PUDP: variants seen among roughly 807,000 people sequenced by gnomAD.
PUDP encodes pseudouridine 5'-phosphatase, also known as pseudouridine-5'-phosphatase.
In PUDP, 8 loss-of-function variants were observed where a neutral mutation model predicts 9.4. That is an observed-to-expected ratio of 0.85 (90% CI 0.50 to 1.53). The LOEUF (loss-of-function observed/expected upper bound fraction) is 1.53, where lower values mean the gene tolerates loss of function less well. PUDP is among the 40% of genes most tolerant of loss of function. The pLI is 0.00. For missense variants in PUDP, 188 were observed against 189.7 expected, an observed-to-expected ratio of 0.99 and a Z score of 0.05; for synonymous variants, 99 against 80.7, an observed-to-expected ratio of 1.23 and a Z score of -1.22.
At chrX:7,145,973 GATTAA>G (rs761412961) in intron 1 of PUDP, among the ~76,000 whole-genome samples, 65 of 112,244 alleles carry the variant, frequency 5.8e-4, no homozygotes, top group Non-Finnish European at 1.0e-3. Context: ...TAATCTGGTA[GATTAA>G]ATTAAAGTGG....
chrX:6,926,922 CTTTTTTT>C (rs61299123), intron 3 of PUDP, among the ~76,000 whole-genome samples: 13 of 66,861 alleles, frequency 1.9e-4, no homozygotes, highest in Middle Eastern at 8.8e-3. Flanking sequence ...GAGACAATTC[CTTTTTTT>C]TTTTTTTTTT....
chrX:7,112,176 TG>T (rs2146905832), intron 1 of PUDP, among the ~76,000 whole-genome samples: 1 of 111,621 alleles, frequency 9.0e-6, no homozygotes. Context: ...AAATCTGTAC[TG>T]GGCTAGCATG....
At chrX:7,140,113 T>C (rs1323185854) in intron 1 of PUDP, among the ~76,000 whole-genome samples, 3 of 112,388 alleles carry the variant, frequency 2.7e-5, no homozygotes, top group Non-Finnish European at 3.8e-5. Context: ...TTTTGTGCTC[T>C]TACACAGTAG....
intron 3 of PUDP, among the ~76,000 whole-genome samples, chrX:6,818,349 C>A (rs1299232938): frequency 8.9e-6 from 1 of 111,881 alleles, no homozygotes; most frequent in Non-Finnish European, 1.9e-5. Flanking sequence ...AGAGGGGCTG[C>A]CATTGTAATA....
chrX:6,971,243 C>T (rs189534928), intron 3 of PUDP, among the ~76,000 whole-genome samples: 35 of 110,295 alleles, frequency 3.2e-4, no homozygotes, highest in African/African-American at 1.1e-3. Flanking sequence ...GTCTATATAT[C>T]TGTTTGATAC....
At chrX:6,791,989 T>C (rs1470535609) in intron 3 of PUDP, among the ~76,000 whole-genome samples, 1 of 111,311 alleles carries the variant, frequency 9.0e-6, no homozygotes, top group Non-Finnish European at 1.9e-5. Context: ...AAATAAATAA[T>C]GGAGAGAATG....
chrX:6,967,929 G>A (rs191442488), intron 3 of PUDP, among the ~76,000 whole-genome samples: 21 of 112,389 alleles, frequency 1.9e-4, no homozygotes, highest in African/African-American at 6.1e-4. Flanking sequence ...AGGAAAGAGC[G>A]CTGCTCAGAG....
chrX:6,798,509 A>G (rs187323944), intron 3 of PUDP, among the ~76,000 whole-genome samples: 1 of 111,710 alleles, frequency 9.0e-6, no homozygotes, highest in East Asian at 2.8e-4. Context: ...CCATGTTCAC[A>G]TTTGGAAAAA....
chrX:6,868,993 T>C (rs1490878837), intron 3 of PUDP, among the ~76,000 whole-genome samples: 2 of 112,245 alleles, frequency 1.8e-5, no homozygotes, highest in Non-Finnish European at 3.8e-5. Flanking sequence ...CTAAAGGTTC[T>C]CTGTAGCAAT....
At chrX:6,741,924 C>T (rs987582394) in intron 3 of PUDP, among the ~76,000 whole-genome samples, 1 of 108,880 alleles carries the variant, frequency 9.2e-6, no homozygotes, top group African/African-American at 3.4e-5. Flanking sequence ...GGTGCAATCT[C>T]GGTTCACTGT....
At chrX:6,805,605 G>A (rs1357868032) in intron 3 of PUDP, among the ~76,000 whole-genome samples, 1 of 110,129 alleles carries the variant, frequency 9.1e-6, no homozygotes. Context: ...CTGCAGCCTC[G>A]ACCTTCCAGG....
chrX:6,879,378 C>T (rs376477411), intron 3 of PUDP, among the ~76,000 whole-genome samples: 2 of 110,732 alleles, frequency 1.8e-5, no homozygotes, highest in African/African-American at 6.6e-5. Flanking sequence ...TGTTGTTGTT[C>T]CTCCCTCTGC....
intron 1 of PUDP, among the ~76,000 whole-genome samples, chrX:6,990,263 C>T (rs1236329550): frequency 9.0e-6 from 1 of 111,268 alleles, no homozygotes; most frequent in Non-Finnish European, 1.9e-5. Context: ...CTCCCTAACC[C>T]GAATGCCTCG....
chrX:6,917,270 G>C (rs1177576309), intron 3 of PUDP, among the ~76,000 whole-genome samples: 2 of 110,769 alleles, frequency 1.8e-5, no homozygotes, highest in Non-Finnish European at 3.8e-5. Flanking sequence ...GGGAGGCTGA[G>C]GCAGGAGGAT....
chrX:6,992,551 C>T (rs1190439795), intron 1 of PUDP, among the ~76,000 whole-genome samples: 1 of 109,827 alleles, frequency 9.1e-6, no homozygotes, highest in Non-Finnish European at 1.9e-5. Flanking sequence ...GGATTACAGG[C>T]GTGAACCACC....
chrX:6,817,411 TATTA>T (rs1926269883), intron 3 of PUDP, among the ~76,000 whole-genome samples: 1 of 111,807 alleles, frequency 8.9e-6, no homozygotes, highest in Non-Finnish European at 1.9e-5. Flanking sequence ...TACCTTGTTG[TATTA>T]ATTATCTGTC....
chrX:6,785,722 C>T (rs973807813), intron 3 of PUDP, among the ~76,000 whole-genome samples: 60 of 110,983 alleles, frequency 5.4e-4, no homozygotes, highest in African/African-American at 2.0e-3. Context: ...TAATATGTCA[C>T]TCTCATATCT....
intron 2 of PUDP, among the ~76,000 whole-genome samples, chrX:7,082,985 T>C (rs1298489618): frequency 3.6e-5 from 4 of 112,394 alleles, no homozygotes; most frequent in Non-Finnish European, 7.5e-5. Flanking sequence ...GAGCTCACTT[T>C]GCCACGTGGA....
At position 7,077,468 on chromosome X, in the gene PUDP, G is replaced by A; in HGVS notation, c.281-19C>T. ...TCCGCCCCTGGGGAGGAGGAGGGAA[G>A]GACTGAGGTGAGGGGCGAGGCCTCC... On this transcript the variant is annotated intron_variant, in intron 2 of 3. Coordinates refer to ENST00000381077, the MANE Select transcript of PUDP (RefSeq NM_012080.5). The A allele has an allele frequency of 1.7e-6, 2 of 1,166,991 alleles. No homozygotes were observed. The highest frequency in any genetic ancestry group is 3.5e-5 in the African/African-American group (2 of 57,041).
Sources: gnomAD v4.1 joint callset for allele counts (sites outside exome capture counted in the v4.1 genomes callset) on GRCh38, gnomAD v4.1.1 for gene constraint, MANE v1.5 for transcripts, NCBI Gene and HGNC (gene_info 2026-07-23, HGNC 2026-07-21) for gene names.